The following WDSUB1 variants were observed in gnomAD, a reference collection of about 807,000 sequenced individuals.
WDSUB1 encodes the protein WD repeat, sterile alpha motif and U-box domain containing 1, also known as WD repeat, SAM and U-box domain-containing protein 1.
WDSUB1 carries 49 observed loss-of-function variants against 53.9 expected under a neutral mutation model. That is an observed-to-expected ratio of 0.91 (90% CI 0.72 to 1.15). WDSUB1 has a LOEUF of 1.15. Ranked by LOEUF, WDSUB1 falls within the 50% of genes most tolerant of loss-of-function variation. WDSUB1 has a pLI of 0.00. For missense variants in WDSUB1, 514 were observed against 562.0 expected (o/e 0.91, Z 0.86); for synonymous variants, 194 against 200.6 (o/e 0.97, Z 0.28).
chr2:159,260,313 C>A (rs1291693046), intron 5 of WDSUB1, among the ~76,000 whole-genome samples: 6 of 150,374 alleles, frequency 4.0e-5, no homozygotes, highest in Non-Finnish European at 8.9e-5. Context: ...TCAAAAAAAA[C>A]AACATGCCAT....
In WDSUB1 at chr2:159,243,424, G is replaced by C. The variant is rs953820181; in HGVS notation, c.1273+4948C>G. The stretch of plus-strand genomic sequence containing the variant: ...GACTGTGTAGAGCTTCACACACACA[G>C]ATAAGTACAAGTAAAACTGGGGAAA... On this transcript the variant is annotated intron_variant, in intron 10 of 10. Transcript: ENST00000359774. Among the ~76,000 whole-genome samples the C allele has an allele frequency of 8.8e-5, 13 of 147,372 alleles. 1 individual carries two copies. The highest frequency in any genetic ancestry group is 3.2e-4 in the African/African-American group (12 of 37,670).
intron 3 of WDSUB1, among the ~76,000 whole-genome samples, chr2:159,276,384 C>G (rs2061542473): frequency 1.3e-5 from 2 of 152,246 alleles, no homozygotes; most frequent in East Asian, 1.9e-4. Flanking sequence ...TTCTTAAAAG[C>G]CTGATCTATA....
intron 8 of WDSUB1, among the ~76,000 whole-genome samples, chr2:159,257,203 T>C (rs1285671333): frequency 6.6e-6 from 1 of 152,064 alleles, no homozygotes; most frequent in Non-Finnish European, 1.5e-5. Context: ...GGTTTCACCA[T>C]GTTGCCCAAG....
At chr2:159,240,351 G>C (rs917549508) in intron 10 of WDSUB1, among the ~76,000 whole-genome samples, 4 of 151,692 alleles carry the variant, frequency 2.6e-5, no homozygotes, top group African/African-American at 9.8e-5. Flanking sequence ...CTTTTTGTAT[G>C]ATTATGTGTT....
At chr2:159,261,933 T>A (rs2061237800) in intron 5 of WDSUB1, among the ~76,000 whole-genome samples, 1 of 109,678 alleles carries the variant, frequency 9.1e-6, no homozygotes, top group African/African-American at 3.6e-5. Context: ...TTTTTTTAAA[T>A]AAATGAACTG....
chr2:159,261,878 A>G (rs1558856194), intron 5 of WDSUB1, among the ~76,000 whole-genome samples: 2 of 15,748 alleles, frequency 1.3e-4, no homozygotes, highest in Non-Finnish European at 2.0e-4. Context: ...ATATATATAT[A>G]TATATATATA....
intron 5 of WDSUB1, among the ~76,000 whole-genome samples, chr2:159,265,071 C>T (rs373453915): frequency 4.2e-5 from 6 of 141,986 alleles, no homozygotes; most frequent in South Asian, 4.5e-4. Flanking sequence ...GTAACAAGAG[C>T]GAAACTCCAT....
intron 10 of WDSUB1, among the ~76,000 whole-genome samples, chr2:159,245,117 G>A (rs1055556173): frequency 3.9e-5 from 6 of 152,088 alleles, no homozygotes; most frequent in South Asian, 2.1e-4. Context: ...GTGAAAATCC[G>A]GGCAAGGAAA....
At chr2:159,285,682 G>A (rs2061778539) in intron 1 of WDSUB1, among the ~76,000 whole-genome samples, 1 of 152,156 alleles carries the variant, frequency 6.6e-6, no homozygotes, top group Non-Finnish European at 1.5e-5. Context: ...CTCTAGCCTG[G>A]GCAACAGAGC....
At chr2:159,244,011 T>C (rs1377904457) in intron 10 of WDSUB1, among the ~76,000 whole-genome samples, 2 of 150,730 alleles carry the variant, frequency 1.3e-5, no homozygotes, top group Non-Finnish European at 2.9e-5. Context: ...AATAAAGCAA[T>C]CTATCCTATT....
chr2:159,254,323 GC>G (rs1171594888), intron 9 of WDSUB1, among the ~76,000 whole-genome samples: 1 of 152,216 alleles, frequency 6.6e-6, no homozygotes, highest in African/African-American at 2.4e-5. Context: ...ACATTGGGAG[GC>G]CGAGCTGGGA....
At chr2:159,285,848 T>C (rs2061782026) in intron 1 of WDSUB1, among the ~76,000 whole-genome samples, 1 of 152,168 alleles carries the variant, frequency 6.6e-6, no homozygotes, top group Non-Finnish European at 1.5e-5. Flanking sequence ...TGGTAGACTA[T>C]CCCTGTACTG....
chr2:159,267,750 A>G (rs561991376), intron 5 of WDSUB1, among the ~76,000 whole-genome samples: 1 of 152,110 alleles, frequency 6.6e-6, no homozygotes, highest in Non-Finnish European at 1.5e-5. Flanking sequence ...CTATCTTATC[A>G]TTGACTTTTA....
intron 3 of WDSUB1, among the ~76,000 whole-genome samples, chr2:159,278,637 G>A (rs1198860926): frequency 6.6e-6 from 1 of 152,172 alleles, no homozygotes; most frequent in East Asian, 1.9e-4. Flanking sequence ...GATATTAACA[G>A]CAAACCAGGT....
At chr2:159,239,813 C>T (rs2060595528) in intron 10 of WDSUB1, among the ~76,000 whole-genome samples, 1 of 152,174 alleles carries the variant, frequency 6.6e-6, no homozygotes, top group Admixed American at 6.5e-5. Flanking sequence ...CAAATTAGTA[C>T]CAGCTGTGTA....
At chr2:159,244,649 G>A (rs1302236517) in intron 10 of WDSUB1, among the ~76,000 whole-genome samples, 8 of 152,164 alleles carry the variant, frequency 5.3e-5, no homozygotes, top group African/African-American at 1.9e-4. Context: ...TACTGGCCAG[G>A]CTCAGTGGCT....
intron 10 of WDSUB1, among the ~76,000 whole-genome samples, chr2:159,240,325 T>G (rs2060611007): frequency 6.6e-6 from 1 of 152,226 alleles, no homozygotes; most frequent in Non-Finnish European, 1.5e-5. Flanking sequence ...CTAATAATGC[T>G]GCTATGCCTG....
chr2:159,248,225 T>C, intron 10 of WDSUB1, 147 bp downstream of exon 10: 1 of 838,014 alleles, frequency 1.2e-6, no homozygotes, highest in South Asian at 1.8e-5. Context: ...AAATATACAA[T>C]ATTCATTTGT....
intron 5 of WDSUB1, among the ~76,000 whole-genome samples, chr2:159,263,441 T>A (rs1339363917): frequency 6.6e-6 from 1 of 152,156 alleles, no homozygotes; most frequent in Non-Finnish European, 1.5e-5. Flanking sequence ...AGGTGAAGAT[T>A]AATATAGATT....
Sources: allele counts gnomAD v4.1 joint callset (sites outside exome capture counted in the v4.1 genomes callset), GRCh38; gene constraint gnomAD v4.1.1; transcripts MANE v1.5; gene names NCBI Gene and HGNC (gene_info 2026-07-23, HGNC 2026-07-21).